Variants in CDH13 observed in about 807,000 individuals in gnomAD.
CDH13 encodes the protein cadherin 13.
In CDH13, 24 loss-of-function variants were observed where a neutral mutation model predicts 63.8. That is an observed-to-expected ratio of 0.38 (90% confidence interval 0.27 to 0.53). The LOEUF (loss-of-function observed/expected upper bound fraction) is 0.53. CDH13 is among the 20% of genes least tolerant of loss of function. The probability of loss-of-function intolerance (pLI) is 0.85; values close to 1 mark genes in which losing one functional copy is unlikely to be tolerated. For synonymous variants in CDH13, 503 were observed against 355.3 expected (o/e 1.42, Z -4.67); for missense variants, 1,049 against 903.1 (o/e 1.16, Z -2.07).
chr16:83,000,227 T>TA (rs1912737000), intron 2 of CDH13, among the ~76,000 whole-genome samples: 2 of 64,834 alleles, frequency 3.1e-5, no homozygotes, highest in African/African-American at 7.6e-5. Flanking sequence ...TAGCTTATTT[T>TA]TTTTTTTTTT....
At chr16:83,083,233 T>C (rs772947680) in intron 3 of CDH13, among the ~76,000 whole-genome samples, 5 of 152,244 alleles carry the variant, frequency 3.3e-5, no homozygotes, top group Non-Finnish European at 7.3e-5. Context: ...CAAAATACTC[T>C]TGGGAGAAGA....
intron 6 of CDH13, among the ~76,000 whole-genome samples, chr16:83,460,801 C>T (rs1364589618): frequency 1.3e-5 from 2 of 149,870 alleles, no homozygotes; most frequent in Non-Finnish European, 3.0e-5. Context: ...TGTCCAAGAT[C>T]AGCCTGGGCA....
chr16:82,965,279 A>G (rs1047353363), intron 2 of CDH13, among the ~76,000 whole-genome samples: 2 of 152,170 alleles, frequency 1.3e-5, no homozygotes, highest in African/African-American at 4.8e-5. Context: ...AAGCCTGGGA[A>G]CTGAGCTAGC....
chr16:82,681,721 G>C (rs1391463581), intron 1 of CDH13, among the ~76,000 whole-genome samples: 1 of 152,218 alleles, frequency 6.6e-6, no homozygotes, highest in African/African-American at 2.4e-5. Context: ...CTCTGCCTGA[G>C]GGCTCTCTCC....
At chr16:83,150,841 T>C (rs1350604522) in intron 4 of CDH13, among the ~76,000 whole-genome samples, 2 of 152,230 alleles carry the variant, frequency 1.3e-5, no homozygotes, top group African/African-American at 4.8e-5. Flanking sequence ...ACAACCTGCA[T>C]GACTGGCCCT....
chr16:82,875,967 A>G (rs898057149), intron 2 of CDH13, among the ~76,000 whole-genome samples: 1 of 152,226 alleles, frequency 6.6e-6, no homozygotes, highest in Non-Finnish European at 1.5e-5. Context: ...GGTAAAAAGC[A>G]TGGAGGAGCA....
At chr16:83,523,686 G>T (rs577562515) in intron 7 of CDH13, among the ~76,000 whole-genome samples, 9 of 152,246 alleles carry the variant, frequency 5.9e-5, no homozygotes, top group South Asian at 4.1e-4. Flanking sequence ...TCTTCCTAGC[G>T]CTCAGATTCC....
chr16:83,783,058 A>G (rs908160002), intron 12 of CDH13, among the ~76,000 whole-genome samples, 196 bp from the exon 13 acceptor site: 14 of 152,178 alleles, frequency 9.2e-5, no homozygotes, highest in Admixed American at 7.2e-4. Flanking sequence ...GCTTCTGGGC[A>G]CTTGGAATGT....
At chr16:83,170,868 TAG>T (rs1284679976) in intron 4 of CDH13, among the ~76,000 whole-genome samples, 1 of 152,008 alleles carries the variant, frequency 6.6e-6, no homozygotes, top group Non-Finnish European at 1.5e-5. Flanking sequence ...TTTCCAAAAA[TAG>T]AGAGAAGAGA....
At chr16:83,002,962 G>A (rs957408200) in intron 2 of CDH13, among the ~76,000 whole-genome samples, 7 of 152,046 alleles carry the variant, frequency 4.6e-5, no homozygotes, top group African/African-American at 1.2e-4. Flanking sequence ...ATTGTTTTAC[G>A]ACATTCTTGC....
intron 6 of CDH13, among the ~76,000 whole-genome samples, chr16:83,365,006 C>G (rs1007826268): frequency 2.0e-5 from 3 of 152,158 alleles, no homozygotes; most frequent in Non-Finnish European, 4.4e-5. Flanking sequence ...GTGCAGCAAA[C>G]CACCATGGCA....
At chr16:83,633,159 C>G (rs1360282626) in intron 8 of CDH13, among the ~76,000 whole-genome samples, 1 of 151,744 alleles carries the variant, frequency 6.6e-6, no homozygotes, top group African/African-American at 2.4e-5. Flanking sequence ...TTGTGCTGAC[C>G]TCCTATCTCA....
chr16:83,769,091 T>C (rs998837640), intron 11 of CDH13, among the ~76,000 whole-genome samples: 3 of 152,140 alleles, frequency 2.0e-5, no homozygotes, highest in Non-Finnish European at 2.9e-5. Context: ...GCTTGGGTTT[T>C]TGAGGGCTTT....
intron 4 of CDH13, among the ~76,000 whole-genome samples, chr16:83,132,630 G>A (rs768265310): frequency 6.6e-6 from 1 of 151,856 alleles, no homozygotes; most frequent in Non-Finnish European, 1.5e-5. Context: ...TTTTTTAGTA[G>A]AGACAGGGTT....
chr16:82,705,574 A>C (rs2031422966), intron 1 of CDH13, among the ~76,000 whole-genome samples: 1 of 152,200 alleles, frequency 6.6e-6, no homozygotes, highest in Non-Finnish European at 1.5e-5. Flanking sequence ...TAATTCAAAA[A>C]TTAATAAGTT....
intron 6 of CDH13, among the ~76,000 whole-genome samples, chr16:83,486,186 T>C (rs1159939793): frequency 1.3e-5 from 2 of 151,746 alleles, no homozygotes; most frequent in Non-Finnish European, 2.9e-5. Context: ...CACAGTGGAA[T>C]GAAAGCCCCT....
At chr16:82,818,912 A>G (rs2037861596) in intron 1 of CDH13, among the ~76,000 whole-genome samples, 1 of 152,214 alleles carries the variant, frequency 6.6e-6, no homozygotes, top group Non-Finnish European at 1.5e-5. Flanking sequence ...CCTTTATAAA[A>G]CATTTTCAAT....
chr16:82,888,636 C>T (rs953765450), intron 2 of CDH13, among the ~76,000 whole-genome samples: 3 of 152,214 alleles, frequency 2.0e-5, no homozygotes, highest in Non-Finnish European at 4.4e-5. Context: ...TAGACCTCCC[C>T]TAGCACTGAA....
At chr16:83,124,745 T>C (rs2035735967) in intron 3 of CDH13, among the ~76,000 whole-genome samples, 1 of 152,164 alleles carries the variant, frequency 6.6e-6, no homozygotes, top group Non-Finnish European at 1.5e-5. Flanking sequence ...CAATTTTCCA[T>C]ATGGGTGTTT....
Sources: allele counts gnomAD v4.1 joint callset (sites outside exome capture counted in the v4.1 genomes callset), GRCh38; gene constraint gnomAD v4.1.1; transcripts MANE v1.5; gene names NCBI Gene and HGNC (gene_info 2026-07-23, HGNC 2026-07-21).